The following RAB11FIP5 variants were observed in gnomAD, a reference collection of about 807,000 sequenced individuals.
The protein encoded by RAB11FIP5 is rab11 family-interacting protein 5.
Under a neutral mutation model 85.1 loss-of-function variants are expected in RAB11FIP5, and 48 were observed. The observed-to-expected ratio is 0.56, with a 90% CI of 0.45 to 0.72. RAB11FIP5 has a LOEUF of 0.72. Among genes scored for constraint, RAB11FIP5 ranks in the 30% least tolerant of loss-of-function variants. The pLI, the probability that RAB11FIP5 is intolerant of heterozygous loss-of-function variation, is 0.00. For missense variants in RAB11FIP5, 1,491 were observed against 1,687.0 expected, an observed-to-expected ratio of 0.88 and a Z score of 2.04; for synonymous variants, 729 against 727.3, an observed-to-expected ratio of 1.00 and a Z score of -0.04.
rs574326880 is a variant in RAB11FIP5 at position 73,075,898 on chromosome 2, C to T, written c.3771+95G>A. 13 of 1,491,402 alleles carry T rather than the reference C, an allele frequency of 8.7e-6. No individual in the cohort carries two copies. The East Asian group carries it at 2.5e-4, about 29-fold the overall frequency. 92.4% of individuals were successfully genotyped at this position (1,491,402 alleles called of 1,614,324 possible). A position where few individuals can be genotyped will look rare whatever the true frequency, so the allele number is the denominator to read the frequency against. ...GGCTTCAGGACTCTGATATGGGGGA[C>T]CTGGCCTGCTCCCTGCCCCACCCTC... is the stretch of plus-strand genomic sequence containing the variant. On this transcript the variant is annotated intron_variant, in intron 5 of 5. Coordinates refer to ENST00000486777, the MANE Select transcript of RAB11FIP5 (RefSeq NM_001371272.1). This position sits in a 1 kb window ranked among gnomAD's most constrained non-coding sequence, Gnocchi z 4.6.
rs756584907 is a variant in RAB11FIP5, at chr2:73,086,588, C to G, written c.1568+1462G>C. ...CCTGTGCTCTGTGCCCCTTTCAATC[C>G]AGGCCCTCAGCTCCTCCCAGCAAAT... On this transcript the variant is annotated intron_variant, in intron 3 of 5. Transcript: ENST00000486777. This position sits in a 1 kb window ranked among gnomAD's most constrained non-coding sequence, Gnocchi z 4.4. Among the ~76,000 whole-genome samples the G allele has an allele frequency of 6.6e-6, 1 of 152,180 alleles. No individual in the cohort carries two copies. Among genetic ancestry groups the G allele is most frequent in the Non-Finnish European group, 1.5e-5 (1 of 68,030 alleles).
chr2:73,107,612 C>A (rs1033596446), intron 1 of RAB11FIP5, among the ~76,000 whole-genome samples: 2 of 152,126 alleles, frequency 1.3e-5, no homozygotes, highest in Non-Finnish European at 2.9e-5. Context: ...AGCTGCCCAG[C>A]CTGACTGAGG....
chr2:73,092,335 C>T (rs528449051), intron 1 of RAB11FIP5, among the ~76,000 whole-genome samples: 70 of 152,366 alleles, frequency 4.6e-4, no homozygotes, highest in Non-Finnish European at 9.0e-4. Flanking sequence ...ACTCACACTG[C>T]ACACACCACA....
rs1684095668 is a variant in RAB11FIP5 at position 73,086,740 on chromosome 2, C to T, written c.1568+1310G>A. ...GGCCTGTCCCCTTCTTCCCAATCTT[C>T]CCCTAGGCCGCAGATGGCCAGCAGC... On this transcript the variant is annotated intron_variant, in intron 3 of 5. Transcript: ENST00000486777. The surrounding 1 kb of genome is among the most constrained non-coding windows in gnomAD (Gnocchi z 4.4). 6.6e-6 allele frequency among the ~76,000 whole-genome samples: 1 copy of T among 152,186 alleles called. No individual in the cohort carries two copies. Among genetic ancestry groups the T allele is most frequent in the Non-Finnish European group, 1.5e-5 (1 of 68,028 alleles).
chr2:73,087,790 T>G (rs146434453), intron 3 of RAB11FIP5, among the ~76,000 whole-genome samples: 1 of 152,186 alleles, frequency 6.6e-6, no homozygotes, highest in African/African-American at 2.4e-5. Flanking sequence ...TGCCAACTCA[T>G]GCAGCAAGGC....
At chr2:73,097,072 C>G (rs1371761351) in intron 1 of RAB11FIP5, among the ~76,000 whole-genome samples, 2 of 151,856 alleles carry the variant, frequency 1.3e-5, no homozygotes, top group East Asian at 3.9e-4. Flanking sequence ...GGGTTTCACT[C>G]TTGTTGCCCA....
rs373927430 is a variant in RAB11FIP5 at position 73,111,484 on chromosome 2, G to A, written c.431+863C>T. Reference sequence around the variant, plus strand: ...CCCCGGGGACTGGCTTCCAGCTCCTGCCCAAGCCCAAAACAGGAAATGGGG... The same window carrying A: ...CCCCGGGGACTGGCTTCCAGCTCCTACCCAAGCCCAAAACAGGAAATGGGG... On this transcript the variant is annotated intron_variant, in intron 1 of 5. Transcript: ENST00000486777. 9.8e-4 allele frequency among the ~76,000 whole-genome samples: 149 copies of A among 152,270 alleles called. 4 individuals are homozygous for A. In the South Asian group the frequency reaches 0.029, roughly 30 times the overall value.
chr2:73,107,357 C>T (rs1684548288), intron 1 of RAB11FIP5, among the ~76,000 whole-genome samples: 1 of 152,190 alleles, frequency 6.6e-6, no homozygotes, highest in Non-Finnish European at 1.5e-5. Flanking sequence ...ACAAGAGCGT[C>T]ACAGCACTGA....
rs1044999331 is a variant in RAB11FIP5 at position 73,081,087 on chromosome 2, CCCA to C, written c.2142_2144del (p.Gly715del). 4 of 1,221,446 alleles carry C rather than the reference CCCA, an allele frequency of 3.3e-6. No homozygotes were observed. In the African/African-American group the frequency reaches 5.5e-5, roughly 17 times the overall value. The allele number at this position is 1,221,446 out of a possible 1,614,324, so 75.7% of individuals were successfully genotyped here. A position where few individuals can be genotyped will look rare whatever the true frequency, so the allele number is the denominator to read the frequency against. On this transcript the variant is annotated inframe_deletion, in exon 4 of 6. Coordinates refer to ENST00000486777, the MANE Select transcript of RAB11FIP5 (RefSeq NM_001371272.1). The surrounding 1 kb of genome is among the most constrained non-coding windows in gnomAD (Gnocchi z 4.2). ...CCCTGGGCTCCAGCCACACGCTGCT[CCCA>C]CCTCTTCCTCCTCCTCCTCCTCCTC...
chr2:73,104,284 A>G (rs2106122856), intron 1 of RAB11FIP5, among the ~76,000 whole-genome samples: 1 of 152,262 alleles, frequency 6.6e-6, no homozygotes, highest in East Asian at 1.9e-4. Context: ...GAACTACTCA[A>G]AAGTAAATAG....
At chr2:73,096,348 G>C (rs1684319334) in intron 1 of RAB11FIP5, among the ~76,000 whole-genome samples, 2 of 152,208 alleles carry the variant, frequency 1.3e-5, no homozygotes, top group African/African-American at 4.8e-5. Context: ...GGGGAGAGCT[G>C]ACCTGGGGCA....
chr2:73,095,669 C>T (rs565351433), intron 1 of RAB11FIP5, among the ~76,000 whole-genome samples: 1 of 152,324 alleles, frequency 6.6e-6, no homozygotes, highest in African/African-American at 2.4e-5. Context: ...CCCAGGGCCA[C>T]ACAGCTAGTA....
At chr2:73,110,850 T>A (rs961853147) in intron 1 of RAB11FIP5, among the ~76,000 whole-genome samples, 1 of 152,040 alleles carries the variant, frequency 6.6e-6, no homozygotes, top group African/African-American at 2.4e-5. Context: ...TCAGAGTAGC[T>A]GATTGGTGGA....
At position 73,075,799 on chromosome 2, in the gene RAB11FIP5, C is replaced by G. The variant is rs541326335; in HGVS notation, c.3772-75G>C. The G allele has an allele frequency of 2.0e-6, 3 of 1,492,562 alleles. No individual in the cohort carries two copies. Among genetic ancestry groups the G allele is most frequent in the Admixed American group, 2.0e-5 (1 of 50,814 alleles). The allele number at this position is 1,492,562 out of a possible 1,614,324, so 92.5% of individuals were successfully genotyped here. A position where few individuals can be genotyped will look rare whatever the true frequency, so the allele number is the denominator to read the frequency against. On this transcript the variant is annotated intron_variant, in intron 5 of 5. Coordinates refer to ENST00000486777, the MANE Select transcript of RAB11FIP5 (RefSeq NM_001371272.1). This position sits in a 1 kb window ranked among gnomAD's most constrained non-coding sequence, Gnocchi z 4.6. ...CTGCCTGCCCGCTTGCCCGCCCGCC[C>G]GCCTGCCCACCAACACCTAAGTTTC...
rs1488842376 is a variant in RAB11FIP5, at chr2:73,078,600, T to G, written c.3581+1051A>C. 6.6e-6 allele frequency among the ~76,000 whole-genome samples: 1 copy of G among 152,162 alleles called. No homozygotes were observed. Among genetic ancestry groups the G allele is most frequent in the African/African-American group, 2.4e-5 (1 of 41,420 alleles). ...TTCCCTTCTTGGGTCCACTTTATCT[T>G]CCCCAGTGGATTGGACATTCCTTGG... is the stretch of plus-strand genomic sequence containing the variant. On this transcript the variant is annotated intron_variant, in intron 4 of 5. Transcript: ENST00000486777. This position sits in a 1 kb window ranked among gnomAD's most constrained non-coding sequence, Gnocchi z 4.4.
intron 4 of RAB11FIP5, 26 bp from the exon 5 acceptor site, chr2:73,076,208 TAC>T: frequency 6.4e-6 from 10 of 1,558,590 alleles, no homozygotes; most frequent in Non-Finnish European, 8.8e-6. Context: ...AGAGATGGGT[TAC>T]ACAGAGAGAA....
intron 1 of RAB11FIP5, among the ~76,000 whole-genome samples, chr2:73,097,547 A>G (rs1684345892): frequency 6.6e-6 from 1 of 152,224 alleles, no homozygotes; most frequent in Non-Finnish European, 1.5e-5. Context: ...TATTTGCTCA[A>G]TGAGCCAACA....
intron 1 of RAB11FIP5, among the ~76,000 whole-genome samples, chr2:73,093,828 T>C (rs6732960): frequency 0.011 from 1,648 of 152,286 alleles, 29 homozygotes; most frequent in African/African-American, 0.037. Context: ...CTTTAATAAA[T>C]ATTCAACCTC....
intron 3 of RAB11FIP5, among the ~76,000 whole-genome samples, 184 bp downstream of exon 3, chr2:73,087,866 C>A (rs1437698562): frequency 4.6e-5 from 7 of 152,154 alleles, no homozygotes; most frequent in African/African-American, 1.7e-4. Context: ...TCGTAACTCA[C>A]CTGTGTCCGT....
Sources: allele counts gnomAD v4.1 joint callset (sites outside exome capture counted in the v4.1 genomes callset), GRCh38; gene constraint gnomAD v4.1.1; non-coding constraint Gnocchi (gnomAD v3.1); transcripts MANE v1.5; gene names NCBI Gene and HGNC (gene_info 2026-07-23, HGNC 2026-07-21).